Variants in PBLD observed in about 807,000 individuals in gnomAD.
PBLD encodes the protein phenazine biosynthesis-like domain-containing protein.
PBLD carries 26 observed loss-of-function variants against 31.3 expected under a neutral mutation model. The observed-to-expected ratio is 0.83, with a 90% CI of 0.61 to 1.15. The LOEUF is 1.15. Among genes scored for constraint, PBLD ranks in the 50% most tolerant of loss-of-function variants. The pLI, the probability that PBLD is intolerant of heterozygous loss-of-function variation, is 0.00. For synonymous variants in PBLD, 114 were observed against 129.0 expected, an observed-to-expected ratio of 0.88 and a Z score of 0.79; for missense variants, 307 against 351.7, an observed-to-expected ratio of 0.87 and a Z score of 1.02.
In PBLD at chr10:68,284,243, A is replaced by G. The variant is rs779444107; in HGVS notation, c.801T>C (p.Arg267=). 1 of 1,614,150 alleles carries G rather than the reference A, an allele frequency of 6.2e-7. No individual in the cohort carries two copies. Among genetic ancestry groups the G allele is most frequent in the South Asian group, 1.1e-5 (1 of 91,078 alleles). Residue 267 remains arginine (R), a synonymous_variant, in exon 10 of 10, where the codon CGT becomes CGC. Transcript: ENST00000358769. The part of the protein sequence containing the change: ...HRGGELGISL[R]PDGRVDIRGG... ...CTCTAATGTCAACCCTTCCGTCTGG[A>G]CGAAGGGAAATTCCCAGCTCTCCTC...
In PBLD at chr10:68,283,997, T is replaced by C. The variant is rs2044257269; in HGVS notation, c.*180A>G. ...CCTGACCTCAGGTGATCCACCCACC[T>C]TGGCCTCTCAAAGTGCTACGATTAC... is the stretch of plus-strand genomic sequence containing the variant. On this transcript the variant is annotated 3_prime_UTR_variant, in exon 10 of 10. Coordinates refer to ENST00000358769, the MANE Select transcript of PBLD (RefSeq NM_022129.4). 1 of 509,700 alleles carries C rather than the reference T, an allele frequency of 2.0e-6. No homozygotes were observed. The highest frequency in any genetic ancestry group is 1.9e-5 in the African/African-American group (1 of 51,432). The allele number at this position is 509,700 out of a possible 1,614,324, so 31.6% of individuals were successfully genotyped here. A position where few individuals can be genotyped will look rare whatever the true frequency, so the allele number is the denominator to read the frequency against.
intron 1 of PBLD, among the ~76,000 whole-genome samples, chr10:68,325,169 G>T (rs560849094): frequency 2.6e-5 from 4 of 152,174 alleles, no homozygotes; most frequent in Admixed American, 2.0e-4. Context: ...GCTTGAACCC[G>T]GGAGGCGGAA....
chr10:68,326,130 G>A (rs896108968), intron 1 of PBLD, among the ~76,000 whole-genome samples: 1 of 151,998 alleles, frequency 6.6e-6, no homozygotes, highest in African/African-American at 2.4e-5. Context: ...GCACAGTGGC[G>A]CAATTTCGGC....
chr10:68,284,832 G>A (rs190064819), intron 9 of PBLD, among the ~76,000 whole-genome samples: 3 of 152,172 alleles, frequency 2.0e-5, no homozygotes, highest in Admixed American at 6.6e-5. Flanking sequence ...AATTAGACTC[G>A]CCAAGGAAAA....
At position 68,305,480 on chromosome 10, in the gene PBLD, C is replaced by T. The variant is rs527882963; in HGVS notation, c.84+1281G>A. Among the ~76,000 whole-genome samples the T allele has an allele frequency of 4.6e-5, 7 of 151,350 alleles. No individual in the cohort carries two copies. The South Asian group carries it at 1.5e-3, about 32-fold the overall frequency. The stretch of plus-strand genomic sequence containing the variant: ...TTTAAAAAAAACACTGCTGGCCGGG[C>T]GCGGTGCTCACGCCTGTAATCCCAG... On this transcript the variant is annotated intron_variant, in intron 2 of 9. Coordinates refer to ENST00000358769, the MANE Select transcript of PBLD (RefSeq NM_022129.4).
rs1589660785 is a variant in PBLD at position 68,306,143 on chromosome 10, A to T, written c.84+618T>A. The stretch of plus-strand genomic sequence containing the variant: ...TTAAATATTTAACTATTCTATTAAT[A>T]TTTATCTATTTAACTATTAATATTT... On this transcript the variant is annotated intron_variant, in intron 2 of 9. Transcript: ENST00000358769. Among the ~76,000 whole-genome samples, 3 of 8,870 alleles carry T rather than the reference A, an allele frequency of 3.4e-4. No homozygotes were observed. In the South Asian group the frequency reaches 0.1, roughly 296 times the overall value. The allele number at this position is 8,870 out of a possible 152,430, so 5.8% of individuals were successfully genotyped here.
At chr10:68,326,052 C>G (rs536431025) in intron 1 of PBLD, among the ~76,000 whole-genome samples, 1 of 151,848 alleles carries the variant, frequency 6.6e-6, no homozygotes, top group South Asian at 2.1e-4. Flanking sequence ...ATAGAATGTA[C>G]TTGATTTTTC....
intron 2 of PBLD, among the ~76,000 whole-genome samples, chr10:68,299,137 G>A (rs528215790): frequency 5.6e-5 from 8 of 142,936 alleles, no homozygotes; most frequent in East Asian, 2.1e-4. Flanking sequence ...AAGTGGACCC[G>A]AAGTATGTTT....
At chr10:68,315,451 G>T (rs2044724698) in intron 1 of PBLD, among the ~76,000 whole-genome samples, 2 of 151,938 alleles carry the variant, frequency 1.3e-5, no homozygotes, top group South Asian at 4.2e-4. Context: ...TGAGCATGGT[G>T]GTGTGTGCCT....
intron 6 of PBLD, 51 bp from the exon 7 acceptor site, chr10:68,289,070 T>C: frequency 7.1e-7 from 1 of 1,404,466 alleles, no homozygotes; most frequent in Non-Finnish European, 1.0e-6. Context: ...GGCCAAGTCC[T>C]TGATCCCCTG....
chr10:68,296,811 G>C, intron 3 of PBLD, 75 bp downstream of exon 3: 1 of 1,290,888 alleles, frequency 7.7e-7, no homozygotes, highest in Non-Finnish European at 1.1e-6. Context: ...GGAGGTTGCA[G>C]TGAGTCAAGA....
intron 1 of PBLD, among the ~76,000 whole-genome samples, chr10:68,326,014 G>A (rs755228572): frequency 1.3e-5 from 2 of 150,904 alleles, no homozygotes; most frequent in Non-Finnish European, 1.5e-5. Flanking sequence ...TTATGTACGT[G>A]CATTTTTTTT....
At chr10:68,323,779 C>A (rs1222306269) in intron 1 of PBLD, among the ~76,000 whole-genome samples, 1 of 152,130 alleles carries the variant, frequency 6.6e-6, no homozygotes, top group Non-Finnish European at 1.5e-5. Context: ...ATTTGCATTC[C>A]ATTTGTTTGA....
At position 68,314,211 on chromosome 10, in the gene PBLD, A is replaced by G. The variant is rs986051013; in HGVS notation, c.-59-7308T>C. ...AAGCTGGTCTCAAAGTCCTTACCTC[A>G]GGTGATCCGCCCACCTCAGCCTCCC... On this transcript the variant is annotated intron_variant, in intron 1 of 9. Transcript: ENST00000358769. 6.9e-4 allele frequency among the ~76,000 whole-genome samples: 105 copies of G among 152,160 alleles called. 12 individuals carry two copies. Among genetic ancestry groups the G allele is most frequent in the Non-Finnish European group, 1.0e-4 (7 of 68,020 alleles).
chr10:68,296,802 G>A (rs2044434952), intron 3 of PBLD, 84 bp downstream of exon 3: 4 of 1,193,022 alleles, frequency 3.4e-6, no homozygotes, highest in Admixed American at 1.8e-5. Flanking sequence ...GCAGGAGGCG[G>A]AGGTTGCAGT....
At chr10:68,331,214 G>A (rs1488499006) in intron 1 of PBLD, 1 of 152,178 alleles carries the variant, frequency 6.6e-6, no homozygotes, top group Non-Finnish European at 1.5e-5. Context: ...TTGGTGACAT[G>A]ACAGCAAAAC....
chr10:68,283,654 A>AGCTGGT lies in PBLD; in HGVS notation c.*522_*523insACCAGC, dbSNP rs1394231112. ...TTGTAGCTGGTTACTTACATTTCAAATACACTCATGAGTGGAGCCAAAACT... is the reference window on the plus strand; with the variant it reads ...TTGTAGCTGGTTACTTACATTTCAAAGCTGGTTACACTCATGAGTGGAGCCAAAACT... On this transcript the variant is annotated 3_prime_UTR_variant, in exon 10 of 10. Transcript: ENST00000358769. 1.3e-5 allele frequency: 2 copies of AGCTGGT among 152,550 alleles called. No individual in the cohort carries two copies. Among genetic ancestry groups the AGCTGGT allele is most frequent in the Non-Finnish European group, 2.9e-5 (2 of 68,304 alleles). 9.4% of individuals were successfully genotyped at this position (152,550 alleles called of 1,614,324 possible). A position where few individuals can be genotyped will look rare whatever the true frequency, so the allele number is the denominator to read the frequency against.
intron 6 of PBLD, among the ~76,000 whole-genome samples, chr10:68,291,205 C>A (rs1177620503): frequency 6.6e-6 from 1 of 152,330 alleles, no homozygotes; most frequent in African/African-American, 2.4e-5. Context: ...CTGCTCTGGC[C>A]CTGCAGAACC....
At chr10:68,326,362 G>A in intron 1 of PBLD, among the ~76,000 whole-genome samples, 1 of 152,070 alleles carries the variant, frequency 6.6e-6, no homozygotes, top group East Asian at 1.9e-4. Context: ...TTTATGGATG[G>A]ATGGAAACAT....
Sources: allele counts gnomAD v4.1 joint callset (sites outside exome capture counted in the v4.1 genomes callset), GRCh38; gene constraint gnomAD v4.1.1; transcripts MANE v1.5; gene names NCBI Gene and HGNC (gene_info 2026-07-23, HGNC 2026-07-21).